PDPK1: variants seen among roughly 807,000 people sequenced by gnomAD.
PDPK1 encodes 3-phosphoinositide dependent protein kinase 1, also known as 3-phosphoinositide-dependent protein kinase 1.
PDPK1 carries 7 observed loss-of-function variants against 39.8 expected under a neutral mutation model. That is an observed-to-expected ratio of 0.18 (90% CI 0.10 to 0.33). The LOEUF is 0.33. PDPK1 is among the 10% of genes least tolerant of loss of function. PDPK1 has a pLI of 1.00. For missense variants in PDPK1, 182 were observed against 384.7 expected, an observed-to-expected ratio of 0.47 and a Z score of 4.41; for synonymous variants, 118 against 159.1, an observed-to-expected ratio of 0.74 and a Z score of 1.95.
chr16:2,586,163 A>T (rs1011984125), intron 10 of PDPK1, among the ~76,000 whole-genome samples: 4 of 152,252 alleles, frequency 2.6e-5, no homozygotes, highest in Admixed American at 6.5e-5. Flanking sequence ...ATTAAGAGGA[A>T]TGTCTTTTAA....
chr16:2,597,369 C>A lies in PDPK1; in HGVS notation c.1554+94C>A, dbSNP rs144926872. On this transcript the variant is annotated intron_variant, in intron 13 of 13. Transcript: ENST00000342085. This position sits in a 1 kb window ranked among gnomAD's most constrained non-coding sequence, Gnocchi z 6.3. ...CACAGGCCTTGGCCAGAGGGAGCAG[C>A]GGGGATCGGGGCAGCTGCCTCGCCC... 3.5e-6 allele frequency: 4 copies of A among 1,144,200 alleles called. No homozygotes were observed. In the East Asian group the frequency reaches 7.1e-5, roughly 20 times the overall value. The allele number at this position is 1,144,200 out of a possible 1,614,324, so 70.9% of individuals were successfully genotyped here. A position where few individuals can be genotyped will look rare whatever the true frequency, so the allele number is the denominator to read the frequency against.
chr16:2,587,326 G>T (rs982995033), intron 11 of PDPK1, among the ~76,000 whole-genome samples: 1 of 152,200 alleles, frequency 6.6e-6, no homozygotes, highest in Non-Finnish European at 1.5e-5. Flanking sequence ...GGGATCTGTC[G>T]CGGGGGCGCC....
At chr16:2,587,104 C>G (rs1235305953) in intron 11 of PDPK1, among the ~76,000 whole-genome samples, 1 of 152,220 alleles carries the variant, frequency 6.6e-6, no homozygotes, top group African/African-American at 2.4e-5. Context: ...GGGCGCTCCC[C>G]TCCTCTGCCG....
At chr16:2,560,223 C>T (rs1473724816) in intron 2 of PDPK1, among the ~76,000 whole-genome samples, 10 of 152,156 alleles carry the variant, frequency 6.6e-5, no homozygotes, top group Non-Finnish European at 1.3e-4. Flanking sequence ...GAAAGGGTTC[C>T]ACTAAATATC....
chr16:2,553,053 G>C (rs994649026), intron 1 of PDPK1, among the ~76,000 whole-genome samples: 4 of 146,648 alleles, frequency 2.7e-5, no homozygotes, highest in African/African-American at 1.1e-4. Context: ...TGTGTGTGTA[G>C]CAAAGCCCAG....
chr16:2,560,252 T>C (rs2066580669), intron 2 of PDPK1, among the ~76,000 whole-genome samples: 1 of 152,176 alleles, frequency 6.6e-6, no homozygotes, highest in African/African-American at 2.4e-5. Flanking sequence ...TTCACAATTC[T>C]TTCTTCCTCT....
In PDPK1 at chr16:2,575,825, C is replaced by T. The variant is rs2066697142; in HGVS notation, c.710-1600C>T. 1.4e-5 allele frequency: 2 copies of T among 141,386 alleles called. 1 individual carries two copies. Among genetic ancestry groups the T allele is most frequent in the African/African-American group, 6.1e-5 (2 of 32,884 alleles). The allele number at this position is 141,386 out of a possible 1,614,324, so 8.8% of individuals were successfully genotyped here. A position where few individuals can be genotyped will look rare whatever the true frequency, so the allele number is the denominator to read the frequency against. ...GGTGGGTGTTGGCCTCACGGACTTG[C>T]TCCGTGCACGCTGTGGCTGTTTAAA... is the stretch of plus-strand genomic sequence containing the variant. On this transcript the variant is annotated intron_variant, in intron 6 of 13. Transcript: ENST00000342085.
At chr16:2,558,011 G>GT (rs2066535615) in intron 2 of PDPK1, 48 bp downstream of exon 2, 1 of 1,600,808 alleles carries the variant, frequency 6.2e-7, no homozygotes, top group African/African-American at 1.3e-5. Context: ...ATTTCCTTGG[G>GT]GAGGCTCACC....
chr16:2,540,686 G>A (rs1265701653), intron 1 of PDPK1, among the ~76,000 whole-genome samples: 1 of 152,164 alleles, frequency 6.6e-6, no homozygotes, highest in African/African-American at 2.4e-5. Context: ...TGAACTCTGT[G>A]ACCCCGGGGC....
chr16:2,539,451 T>G (rs2066203929), intron 1 of PDPK1: 1 of 152,024 alleles, frequency 6.6e-6, no homozygotes, highest in African/African-American at 2.4e-5. Context: ...GTGAGTCTGT[T>G]TGAGAACCTG....
At chr16:2,551,670 T>G (rs1377580090) in intron 1 of PDPK1, among the ~76,000 whole-genome samples, 6 of 138,398 alleles carry the variant, frequency 4.3e-5, no homozygotes, top group Admixed American at 7.0e-5. Context: ...TTTTTTTTTT[T>G]TTTTTTTTGT....
In PDPK1 at chr16:2,599,476, G is replaced by C. The variant is rs372067195; in HGVS notation, c.*1709G>C. The C allele has an allele frequency of 1.2e-3, 275 of 233,186 alleles. No homozygotes were observed. Among genetic ancestry groups the C allele is most frequent in the African/African-American group, 5.5e-3 (250 of 45,454 alleles). The allele number at this position is 233,186 out of a possible 1,614,324, so 14.4% of individuals were successfully genotyped here. A position where few individuals can be genotyped will look rare whatever the true frequency, so the allele number is the denominator to read the frequency against. On this transcript the variant is annotated 3_prime_UTR_variant, in exon 14 of 14. Transcript: ENST00000342085. ...AGGCCCTGCCTGTGGTTCCTGCCTG[G>C]GCCTTGGCTGCTGCTGTGTGAGAGC...
chr16:2,588,730 G>A (rs2066927491), intron 11 of PDPK1, among the ~76,000 whole-genome samples: 1 of 152,124 alleles, frequency 6.6e-6, no homozygotes, highest in Non-Finnish European at 1.5e-5. Flanking sequence ...TCTGGCTGCT[G>A]GGAGGTCTGT....
chr16:2,538,167 G>T, intron 1 of PDPK1, 31 bp downstream of exon 1: 1 of 1,048,294 alleles, frequency 9.5e-7, no homozygotes, highest in Non-Finnish European at 1.2e-6. Flanking sequence ...TGGACGCGCC[G>T]GTTTGTTACC....
chr16:2,539,266 G>A (rs1281112758), intron 1 of PDPK1: 2 of 156,092 alleles, frequency 1.3e-5, no homozygotes, highest in African/African-American at 4.8e-5. Context: ...TTTTAGTAGA[G>A]AAGGTGTTTC....
In PDPK1 at chr16:2,598,404, G is replaced by A. The variant is rs922779617; in HGVS notation, c.*637G>A. On this transcript the variant is annotated 3_prime_UTR_variant, in exon 14 of 14. Transcript: ENST00000342085. ...TTCTGTGGCCCCTGCTGTGTTGGCA[G>A]GCAGGTTTGCGTGGTGAGGAGCGGG... 1 of 234,370 alleles carries A rather than the reference G, an allele frequency of 4.3e-6. No individual in the cohort carries two copies. The highest frequency in any genetic ancestry group is 2.2e-5 in the African/African-American group (1 of 45,384). 14.5% of individuals were successfully genotyped at this position (234,370 alleles called of 1,614,324 possible).
At chr16:2,595,878 G>T in intron 12 of PDPK1, 28 bp downstream of exon 12, 1 of 1,576,354 alleles carries the variant, frequency 6.3e-7, no homozygotes, top group Non-Finnish European at 8.7e-7. Flanking sequence ...CCGCTGCTCC[G>T]CACGGACACC....
chr16:2,545,026 C>T (rs1348144017), intron 1 of PDPK1, among the ~76,000 whole-genome samples: 3 of 151,026 alleles, frequency 2.0e-5, no homozygotes, highest in Non-Finnish European at 4.4e-5. Context: ...TCCGAGATAG[C>T]ATTAACATTG....
chr16:2,546,497 C>A (rs560380617), intron 1 of PDPK1, among the ~76,000 whole-genome samples: 2 of 152,272 alleles, frequency 1.3e-5, no homozygotes, highest in South Asian at 4.2e-4. Flanking sequence ...CCATGCTGGG[C>A]TAATTTGTGT....
Sources: allele counts gnomAD v4.1 joint callset (sites outside exome capture counted in the v4.1 genomes callset), GRCh38; gene constraint gnomAD v4.1.1; non-coding constraint Gnocchi (gnomAD v3.1); transcripts MANE v1.5; gene names NCBI Gene and HGNC (gene_info 2026-07-23, HGNC 2026-07-21).